The following FKBP15 variants were observed in gnomAD, a reference collection of about 807,000 sequenced individuals.
FKBP15 encodes FKBP prolyl isomerase family member 15.
Under a neutral mutation model 158.1 loss-of-function variants are expected in FKBP15, and 106 were observed. The observed-to-expected ratio is 0.67, with a 90% CI of 0.57 to 0.79. The LOEUF (loss-of-function observed/expected upper bound fraction) is 0.79, where lower values mean the gene tolerates loss of function less well. FKBP15 is among the 30% of genes least tolerant of loss of function. FKBP15 has a pLI of 0.00. For synonymous variants in FKBP15, 547 were observed against 548.6 expected, an observed-to-expected ratio of 1.00 and a Z score of 0.04; for missense variants, 1,287 against 1,479.1, an observed-to-expected ratio of 0.87 and a Z score of 2.13.
intron 1 of FKBP15, among the ~76,000 whole-genome samples, chr9:113,216,944 C>T (rs533874212): frequency 1.4e-5 from 2 of 142,308 alleles, no homozygotes; most frequent in African/African-American, 5.3e-5. Flanking sequence ...TTGCTCTTGG[C>T]GTCCAGGCTG....
At chr9:113,171,423 TCAAA>T (rs939203285) in intron 24 of FKBP15, among the ~76,000 whole-genome samples, 154 bp downstream of exon 24, 7 of 152,250 alleles carry the variant, frequency 4.6e-5, no homozygotes, top group African/African-American at 7.2e-5. Context: ...AGACTCCGTC[TCAAA>T]CAAACAAACA....
Position 113,206,613 on chromosome 9 carries a change from T to C in FKBP15, c.255-35A>G, listed in dbSNP as rs577778139. ...GAAGAGAAACAACAAGTATTAATAC[T>C]TCCCTAAATTCTGCAGAACCAGCTT... On this transcript the variant is annotated intron_variant, in intron 3 of 27. Transcript: ENST00000238256. 5 of 1,499,104 alleles carry C rather than the reference T, an allele frequency of 3.3e-6. 1 individual carries two copies. The South Asian group carries it at 5.7e-5, about 17-fold the overall frequency. The allele number at this position is 1,499,104 out of a possible 1,614,324, so 92.9% of individuals were successfully genotyped here. A position where few individuals can be genotyped will look rare whatever the true frequency, so the allele number is the denominator to read the frequency against.
Position 113,162,734 on chromosome 9 carries a change from C to T in FKBP15, c.*3344G>A. 1 of 1,604,420 alleles carries T rather than the reference C, an allele frequency of 6.2e-7. No individual in the cohort carries two copies. The highest frequency in any genetic ancestry group is 1.7e-5 in the Admixed American group (1 of 59,070). ...GCTCATTACCAGGATTAACTTGCTT[C>T]TCCTTTTTATCTAGGTGGTATTTGT... On this transcript the variant is annotated 3_prime_UTR_variant, in exon 28 of 28. Transcript: ENST00000238256.
intron 11 of FKBP15, among the ~76,000 whole-genome samples, chr9:113,192,501 A>G (rs543586585): frequency 6.6e-6 from 1 of 152,322 alleles, no homozygotes; most frequent in African/African-American, 2.4e-5. Context: ...AGGCATTCAA[A>G]TCCAGATTTT....
chr9:113,219,757 C>T (rs149932574), intron 1 of FKBP15, among the ~76,000 whole-genome samples: 1 of 152,218 alleles, frequency 6.6e-6, no homozygotes, highest in East Asian at 1.9e-4. Flanking sequence ...AATTGGGAGC[C>T]CTAACATTAC....
chr9:113,205,030 G>A (rs770808466), intron 4 of FKBP15, among the ~76,000 whole-genome samples: 12 of 151,894 alleles, frequency 7.9e-5, no homozygotes, highest in Non-Finnish European at 1.2e-4. Flanking sequence ...ATTTTTTACC[G>A]TAGGCCCAAC....
intron 1 of FKBP15, among the ~76,000 whole-genome samples, chr9:113,216,868 G>C (rs1831145093): frequency 6.6e-6 from 1 of 151,856 alleles, no homozygotes; most frequent in Admixed American, 6.6e-5. Flanking sequence ...CCAAAAGCCA[G>C]GTCAACCTAA....
rs1362830779 is a variant in FKBP15, at chr9:113,182,510, T to C, written c.1914+256A>G. 2.6e-5 allele frequency among the ~76,000 whole-genome samples: 4 copies of C among 152,356 alleles called. No individual in the cohort carries two copies. The East Asian group carries it at 7.7e-4, about 29-fold the overall frequency. The stretch of plus-strand genomic sequence containing the variant: ...GATTTTGTCAACAGAATAAATTTAG[T>C]TTCTAATAAGCTGTGTAATTCTTAA... On this transcript the variant is annotated intron_variant, in intron 19 of 27. Transcript: ENST00000238256.
intron 12 of FKBP15, among the ~76,000 whole-genome samples, chr9:113,190,216 T>A (rs1388868462): frequency 6.6e-6 from 1 of 152,188 alleles, no homozygotes; most frequent in Non-Finnish European, 1.5e-5. Context: ...CAACAGAGAT[T>A]CTAGTAAAGA....
intron 4 of FKBP15, among the ~76,000 whole-genome samples, chr9:113,204,837 T>C (rs1830857702): frequency 6.6e-6 from 1 of 152,238 alleles, no homozygotes; most frequent in East Asian, 1.9e-4. Flanking sequence ...TTCTAACTTT[T>C]TAAATTCTCC....
rs1368382648 is a variant in FKBP15, at chr9:113,165,194, C to T, written c.*884G>A. The T allele has an allele frequency of 6.6e-6, 1 of 152,130 alleles. No homozygotes were observed. Among genetic ancestry groups the T allele is most frequent in the African/African-American group, 2.4e-5 (1 of 41,412 alleles). The allele number at this position is 152,130 out of a possible 1,614,324, so 9.4% of individuals were successfully genotyped here. A position where few individuals can be genotyped will look rare whatever the true frequency, so the allele number is the denominator to read the frequency against. On this transcript the variant is annotated 3_prime_UTR_variant, in exon 28 of 28. Coordinates refer to ENST00000238256, the MANE Select transcript of FKBP15 (RefSeq NM_015258.2). ...AAGCTGCTCTCAAAGTGAAGAATCC[C>T]TCAGGTGCCATGAACAATGGAAAGA...
intron 14 of FKBP15, chr9:113,186,601 T>A (rs533757142): frequency 4.2e-6 from 2 of 480,112 alleles, no homozygotes; most frequent in Non-Finnish European, 7.6e-6. Context: ...AAAGTGTATC[T>A]TAGGTCACTA....
intron 6 of FKBP15, among the ~76,000 whole-genome samples, chr9:113,202,005 A>C (rs908067644): frequency 6.6e-6 from 1 of 152,040 alleles, no homozygotes; most frequent in Admixed American, 6.6e-5. Flanking sequence ...ATTTTCTACA[A>C]TGAGTATGTA....
intron 21 of FKBP15, among the ~76,000 whole-genome samples, chr9:113,175,985 G>C (rs1363478904): frequency 6.6e-6 from 1 of 152,114 alleles, no homozygotes; most frequent in Non-Finnish European, 1.5e-5. Context: ...CCTTCCCTTT[G>C]ATCCCATGAT....
At chr9:113,212,710 CTCT>C (rs1831034728) in intron 1 of FKBP15, among the ~76,000 whole-genome samples, 1 of 152,180 alleles carries the variant, frequency 6.6e-6, no homozygotes, top group Non-Finnish European at 1.5e-5. Flanking sequence ...ACCCCTTGGG[CTCT>C]TCTTCTTCAT....
At chr9:113,171,535 ATGCTTGATATAAATGG>A (rs756824068) in intron 24 of FKBP15, 30 bp downstream of exon 24, 32 of 1,588,990 alleles carry the variant, frequency 2.0e-5, no homozygotes, top group Non-Finnish European at 2.7e-5. Flanking sequence ...TTCTTTCTGA[ATGCTTGATATAAATGG>A]CTTGCTTCTC....
At position 113,161,566 on chromosome 9, in the gene FKBP15, A is replaced by G. The variant is rs763072011; in HGVS notation, c.*4512T>C. The G allele has an allele frequency of 1.2e-6, 2 of 1,614,030 alleles. No homozygotes were observed. The highest frequency in any genetic ancestry group is 8.5e-7 in the Non-Finnish European group (1 of 1,179,892). ...CTGGCTGTACTGTATGAAGGCATCA[A>G]GGTTGGCAAAGCCAAGCTGCTCAAC... On this transcript the variant is annotated 3_prime_UTR_variant, in exon 28 of 28. Transcript: ENST00000238256.
chr9:113,161,660 A>T lies in FKBP15; in HGVS notation c.*4418T>A. ...TCGCAGAGACAGACGGGGACTCTGC[A>T]GGCTCAGATTCATTCCCTGTTGGCA... On this transcript the variant is annotated 3_prime_UTR_variant, in exon 28 of 28. Coordinates refer to ENST00000238256, the MANE Select transcript of FKBP15 (RefSeq NM_015258.2). The T allele has an allele frequency of 1.2e-6, 2 of 1,614,020 alleles. No individual in the cohort carries two copies. Among genetic ancestry groups the T allele is most frequent in the Non-Finnish European group, 1.7e-6 (2 of 1,179,882 alleles).
At chr9:113,167,978 G>A (rs187892004) in intron 27 of FKBP15, among the ~76,000 whole-genome samples, 14 of 152,288 alleles carry the variant, frequency 9.2e-5, no homozygotes, top group Admixed American at 2.6e-4. Flanking sequence ...GGAACAGGAG[G>A]TCTTTACAGG....
Sources: allele counts gnomAD v4.1 joint callset (sites outside exome capture counted in the v4.1 genomes callset), GRCh38; gene constraint gnomAD v4.1.1; transcripts MANE v1.5; gene names NCBI Gene and HGNC (gene_info 2026-07-23, HGNC 2026-07-21).